KLHL1: variants seen among roughly 807,000 people sequenced by gnomAD.
KLHL1 encodes kelch-like protein 1.
KLHL1 carries 47 observed loss-of-function variants against 77.7 expected under a neutral mutation model. The ratio of observed to expected loss-of-function variants is 0.60; its 90% CI spans 0.48 to 0.77. KLHL1 has a LOEUF of 0.77. Among genes scored for constraint, KLHL1 ranks in the 30% least tolerant of loss-of-function variants. The pLI is 0.00. For synonymous variants in KLHL1, 360 were observed against 325.2 expected (o/e 1.11, Z -1.15); for missense variants, 925 against 910.8 (o/e 1.02, Z -0.20).
At chr13:69,982,015 G>A (rs1237710799) in intron 1 of KLHL1, among the ~76,000 whole-genome samples, 1 of 152,002 alleles carries the variant, frequency 6.6e-6, no homozygotes, top group East Asian at 1.9e-4. Flanking sequence ...AGAGAATAAA[G>A]CGTACTGTGT....
chr13:70,013,922 C>A (rs1223373476), intron 1 of KLHL1, among the ~76,000 whole-genome samples: 1 of 152,008 alleles, frequency 6.6e-6, no homozygotes, highest in East Asian at 1.9e-4. Flanking sequence ...TTTTATTATA[C>A]CTTAATGTTT....
At chr13:69,984,021 C>G (rs970683424) in intron 1 of KLHL1, among the ~76,000 whole-genome samples, 3 of 152,032 alleles carry the variant, frequency 2.0e-5, no homozygotes, top group African/African-American at 7.3e-5. Context: ...AGGTTAGAGT[C>G]TTAAATGTCA....
intron 10 of KLHL1, 151 bp downstream of exon 10, chr13:69,707,474 T>A: frequency 1.6e-6 from 1 of 621,560 alleles, no homozygotes; most frequent in African/African-American, 1.9e-5. Context: ...TATAATGAAC[T>A]TTTTACAAAA....
At chr13:70,054,607 T>G (rs1886700816) in intron 1 of KLHL1, among the ~76,000 whole-genome samples, 1 of 152,034 alleles carries the variant, frequency 6.6e-6, no homozygotes, top group Non-Finnish European at 1.5e-5. Flanking sequence ...CATAAATATG[T>G]AACCTTTCAG....
chr13:69,938,645 T>C (rs1056727032), intron 4 of KLHL1, among the ~76,000 whole-genome samples: 3 of 152,086 alleles, frequency 2.0e-5, no homozygotes, highest in African/African-American at 7.2e-5. Flanking sequence ...ATGGTGGCAG[T>C]TGGACTTTGA....
At chr13:69,950,510 G>A (rs969430967) in intron 3 of KLHL1, among the ~76,000 whole-genome samples, 6 of 151,364 alleles carry the variant, frequency 4.0e-5, no homozygotes, top group Admixed American at 2.0e-4. Flanking sequence ...TAATTTCCAT[G>A]GAGTTTAACC....
intron 1 of KLHL1, among the ~76,000 whole-genome samples, chr13:69,985,329 T>A (rs925115599): frequency 6.6e-6 from 1 of 151,940 alleles, no homozygotes; most frequent in Non-Finnish European, 1.5e-5. Context: ...AAGAACTTAA[T>A]AGACATTTCT....
intron 7 of KLHL1, among the ~76,000 whole-genome samples, chr13:69,784,385 C>G (rs569016137): frequency 4.2e-4 from 64 of 152,224 alleles, no homozygotes; most frequent in African/African-American, 1.5e-3. Flanking sequence ...AAGACACAGA[C>G]TAGCAAATTG....
chr13:70,103,605 G>T (rs188621788), intron 1 of KLHL1, among the ~76,000 whole-genome samples: 1 of 152,232 alleles, frequency 6.6e-6, no homozygotes, highest in African/African-American at 2.4e-5. Context: ...CGCAGACAAT[G>T]GCTGTGAAGA....
At chr13:70,055,764 A>C (rs1886729930) in intron 1 of KLHL1, among the ~76,000 whole-genome samples, 1 of 152,060 alleles carries the variant, frequency 6.6e-6, no homozygotes, top group South Asian at 2.1e-4. Context: ...AATGGAGTAT[A>C]ATATTTTGTT....
chr13:69,786,274 C>T (rs998684900), intron 7 of KLHL1, among the ~76,000 whole-genome samples: 10 of 152,144 alleles, frequency 6.6e-5, no homozygotes, highest in African/African-American at 2.4e-4. Flanking sequence ...TACTGGCAAA[C>T]CAAATCCAGC....
At chr13:69,979,088 C>T (rs1038606403) in intron 1 of KLHL1, among the ~76,000 whole-genome samples, 9 of 151,006 alleles carry the variant, frequency 6.0e-5, no homozygotes, top group African/African-American at 2.2e-4. Context: ...AAATATAATA[C>T]AGACTTGGAC....
intron 4 of KLHL1, among the ~76,000 whole-genome samples, chr13:69,897,407 C>T (rs1356709417): frequency 2.6e-5 from 4 of 152,166 alleles, no homozygotes; most frequent in Admixed American, 6.5e-5. Flanking sequence ...TTGACATCAA[C>T]GGACATTCTA....
chr13:69,804,055 C>A (rs886643856), intron 6 of KLHL1, among the ~76,000 whole-genome samples: 1 of 152,114 alleles, frequency 6.6e-6, no homozygotes, highest in Non-Finnish European at 1.5e-5. Context: ...TTTGTTACAG[C>A]AGCAGTACAG....
chr13:69,827,729 C>CAAAAAA (rs58504097), intron 6 of KLHL1, among the ~76,000 whole-genome samples: 3 of 73,032 alleles, frequency 4.1e-5, no homozygotes, highest in Admixed American at 1.6e-4. Context: ...GACCCTGTCT[C>CAAAAAA]AAAAAAAAAA....
chr13:69,866,853 C>T (rs1403679223), intron 5 of KLHL1, among the ~76,000 whole-genome samples: 1 of 151,990 alleles, frequency 6.6e-6, no homozygotes, highest in Non-Finnish European at 1.5e-5. Flanking sequence ...TTCAGAACAC[C>T]ACATGTTTTG....
At chr13:69,936,322 C>T (rs1019700092) in intron 4 of KLHL1, among the ~76,000 whole-genome samples, 2 of 152,214 alleles carry the variant, frequency 1.3e-5, no homozygotes, top group East Asian at 1.9e-4. Flanking sequence ...GGTGTGATGG[C>T]TCATGCCTGT....
intron 7 of KLHL1, among the ~76,000 whole-genome samples, chr13:69,765,416 G>T (rs1037684168): frequency 3.3e-5 from 5 of 151,978 alleles, no homozygotes; most frequent in African/African-American, 1.2e-4. Context: ...CCTTTGCTTT[G>T]CTATCACATA....
rs555839439 is a variant in KLHL1 at position 70,043,261 on chromosome 13, T to C, written c.497+63942A>G. Among the ~76,000 whole-genome samples the C allele has an allele frequency of 2.6e-5, 4 of 151,994 alleles. No homozygotes were observed. The South Asian group carries it at 8.3e-4, about 32-fold the overall frequency. On this transcript the variant is annotated intron_variant, in intron 1 of 10. Coordinates refer to ENST00000377844, the MANE Select transcript of KLHL1 (RefSeq NM_020866.3). ...TACTAAAAAAAAATAAAAATAAAAATGAGAAAAGTTATATAATAAGAAAAA... is the reference window on the plus strand; with the variant it reads ...TACTAAAAAAAAATAAAAATAAAAACGAGAAAAGTTATATAATAAGAAAAA...
Sources: gnomAD v4.1 joint callset for allele counts (sites outside exome capture counted in the v4.1 genomes callset) on GRCh38, gnomAD v4.1.1 for gene constraint, MANE v1.5 for transcripts, NCBI Gene and HGNC (gene_info 2026-07-23, HGNC 2026-07-21) for gene names.